Variants in PTPRT observed in about 807,000 individuals in gnomAD.
PTPRT encodes protein tyrosine phosphatase receptor type T, also known as receptor-type tyrosine-protein phosphatase T.
Under a neutral mutation model 176.8 loss-of-function variants are expected in PTPRT, and 56 were observed. The ratio of observed to expected loss-of-function variants is 0.32; its 90% CI spans 0.26 to 0.40. PTPRT has a LOEUF of 0.40. Among genes scored for constraint, PTPRT ranks in the 10% least tolerant of loss-of-function variants. The pLI, the probability that PTPRT is intolerant of heterozygous loss-of-function variation, is 1.00. For synonymous variants in PTPRT, 783 were observed against 739.0 expected (o/e 1.06, Z -0.96); for missense variants, 1,540 against 1,908.2 (o/e 0.81, Z 3.60).
At chr20:43,149,083 T>C (rs1043243664) in intron 1 of PTPRT, among the ~76,000 whole-genome samples, 2 of 152,238 alleles carry the variant, frequency 1.3e-5, no homozygotes, top group African/African-American at 2.4e-5. Flanking sequence ...TAATTACATA[T>C]ATTACCAATA....
chr20:42,354,527 C>A (rs2058331566), intron 9 of PTPRT, among the ~76,000 whole-genome samples: 1 of 152,200 alleles, frequency 6.6e-6, no homozygotes, highest in African/African-American at 2.4e-5. Flanking sequence ...TGAATTCACT[C>A]ATCCACTTAT....
chr20:42,108,748 A>G (rs1313043717), intron 23 of PTPRT, among the ~76,000 whole-genome samples: 1 of 152,176 alleles, frequency 6.6e-6, no homozygotes, highest in Non-Finnish European at 1.5e-5. Flanking sequence ...ATAATGATAT[A>G]TTAGAGTGCT....
In PTPRT at chr20:42,072,900, C is replaced by A. The variant is rs1982429478; in HGVS notation, c.*7979G>T. ...AAAGATTACACTTCACTGTAATGTA[C>A]AGTCAAAAAATATATCTGATATTCA... On this transcript the variant is annotated 3_prime_UTR_variant, in exon 31 of 31. Coordinates refer to ENST00000373187, the MANE Select transcript of PTPRT (RefSeq NM_007050.6). 4.5e-6 allele frequency: 1 copy of A among 223,266 alleles called. No individual in the cohort carries two copies. Among genetic ancestry groups the A allele is most frequent in the African/African-American group, 2.2e-5 (1 of 44,738 alleles). 13.8% of individuals were successfully genotyped at this position (223,266 alleles called of 1,614,324 possible). A position where few individuals can be genotyped will look rare whatever the true frequency, so the allele number is the denominator to read the frequency against.
chr20:42,350,229 T>TTTTGTTTTG (rs2058260421), intron 11 of PTPRT, among the ~76,000 whole-genome samples: 5 of 96,118 alleles, frequency 5.2e-5, no homozygotes, highest in South Asian at 3.9e-4. Flanking sequence ...TTTTTTTTTT[T>TTTTGTTTTG]TTTTTTTTTT....
chr20:42,600,929 C>T lies in PTPRT; in HGVS notation c.1153+76937G>A, dbSNP rs191246613. Among the ~76,000 whole-genome samples, 59 of 152,260 alleles carry T rather than the reference C, an allele frequency of 3.9e-4. 1 individual carries two copies. Among genetic ancestry groups the T allele is most frequent in the Non-Finnish European group, 4.4e-5 (3 of 68,034 alleles). On this transcript the variant is annotated intron_variant, in intron 7 of 30. Coordinates refer to ENST00000373187, the MANE Select transcript of PTPRT (RefSeq NM_007050.6). ...CCACAAGGAATATGTGAGTACACCT[C>T]CTGGCAATCTTCAACCCCTTTCTAA...
intron 1 of PTPRT, among the ~76,000 whole-genome samples, chr20:43,052,121 G>A (rs1987070513): frequency 2.6e-5 from 4 of 152,190 alleles, no homozygotes; most frequent in Non-Finnish European, 5.9e-5. Flanking sequence ...TCTCGTCATG[G>A]GATTCCCAAT....
At chr20:42,085,582 T>G (rs1384868057) in intron 28 of PTPRT, 146 bp downstream of exon 28, 1 of 1,239,562 alleles carries the variant, frequency 8.1e-7, no homozygotes, top group African/African-American at 1.5e-5. Context: ...GGAGCCGGAA[T>G]CAGCACAGGC....
chr20:42,549,227 G>A (rs2072726236), intron 7 of PTPRT, among the ~76,000 whole-genome samples: 1 of 152,020 alleles, frequency 6.6e-6, no homozygotes, highest in Non-Finnish European at 1.5e-5. Context: ...TGTAGACTAT[G>A]ATGCAAAGCT....
intron 6 of PTPRT, among the ~76,000 whole-genome samples, chr20:42,711,885 A>G (rs2146201784): frequency 1.3e-5 from 2 of 152,054 alleles, no homozygotes; most frequent in South Asian, 4.2e-4. Flanking sequence ...TTGGCTCAAA[A>G]GCACATGGCT....
Position 42,208,900 on chromosome 20 carries a change from G to T in PTPRT, c.2343-9512C>A, listed in dbSNP as rs528005226. Among the ~76,000 whole-genome samples, 16 of 152,142 alleles carry T rather than the reference G, an allele frequency of 1.1e-4. No homozygotes were observed. The East Asian group carries it at 1.9e-3, about 18-fold the overall frequency. On this transcript the variant is annotated intron_variant, in intron 15 of 30. Transcript: ENST00000373187. Reference sequence around the variant, plus strand: ...ATTGACCACATACTTGGAAGTAAAGGTCTCCTTAGCAAATGTAAAAGAACA... The same window carrying T: ...ATTGACCACATACTTGGAAGTAAAGTTCTCCTTAGCAAATGTAAAAGAACA...
chr20:42,104,771 G>C, intron 24 of PTPRT, 53 bp from the exon 25 acceptor site: 1 of 1,495,164 alleles, frequency 6.7e-7, no homozygotes, highest in South Asian at 1.2e-5. Context: ...AGTGGCCTGG[G>C]AATTAGCTGT....
chr20:43,120,551 G>T (rs79173318), intron 1 of PTPRT, among the ~76,000 whole-genome samples: 2 of 152,206 alleles, frequency 1.3e-5, no homozygotes, highest in Non-Finnish European at 2.9e-5. Context: ...GATTGCAGGC[G>T]TGAGCCACCA....
intron 6 of PTPRT, among the ~76,000 whole-genome samples, chr20:42,730,730 C>G (rs920632530): frequency 2.6e-5 from 4 of 152,192 alleles, no homozygotes; most frequent in Non-Finnish European, 5.9e-5. Context: ...CAGCCAAGAT[C>G]ATGTTTGCTT....
rs368242226 is a variant in PTPRT at position 42,739,411 on chromosome 20, G to A, written c.859+17051C>T. ...AGGAAGAGGAACTGTTTTTCAGGAG[G>A]GACTATCAGTAGCAGCAGACACTGA... is the stretch of plus-strand genomic sequence containing the variant. On this transcript the variant is annotated intron_variant, in intron 6 of 30. Coordinates refer to ENST00000373187, the MANE Select transcript of PTPRT (RefSeq NM_007050.6). 1.5e-4 allele frequency among the ~76,000 whole-genome samples: 23 copies of A among 152,250 alleles called. 1 individual carries two copies. The East Asian group carries it at 1.5e-3, about 10-fold the overall frequency.
intron 13 of PTPRT, among the ~76,000 whole-genome samples, chr20:42,272,199 T>A (rs2095890561): frequency 2.0e-5 from 3 of 152,156 alleles, no homozygotes; most frequent in Admixed American, 1.3e-4. Context: ...AAAATGCAAA[T>A]TTCAGTGTCC....
At chr20:42,193,428 G>A (rs1991076589) in intron 16 of PTPRT, among the ~76,000 whole-genome samples, 1 of 152,262 alleles carries the variant, frequency 6.6e-6, no homozygotes, top group Admixed American at 6.5e-5. Context: ...CCGGCTGTCA[G>A]TGACCTTCCT....
chr20:42,260,068 G>C (rs369301523), intron 13 of PTPRT, among the ~76,000 whole-genome samples: 3 of 152,216 alleles, frequency 2.0e-5, no homozygotes, highest in African/African-American at 7.2e-5. Context: ...CACTACTTAG[G>C]GGGAGAGGAA....
chr20:42,438,171 T>A (rs188719388), intron 9 of PTPRT, among the ~76,000 whole-genome samples: 21 of 152,296 alleles, frequency 1.4e-4, no homozygotes, highest in African/African-American at 4.6e-4. Flanking sequence ...ATAAGAAACA[T>A]GAAGAAAGCC....
At chr20:43,104,612 TA>T (rs1163508851) in intron 1 of PTPRT, among the ~76,000 whole-genome samples, 1 of 152,206 alleles carries the variant, frequency 6.6e-6, no homozygotes. Flanking sequence ...TGGAGCTAAA[TA>T]GATGGAACTT....
Sources: allele counts gnomAD v4.1 joint callset (sites outside exome capture counted in the v4.1 genomes callset), GRCh38; gene constraint gnomAD v4.1.1; transcripts MANE v1.5; gene names NCBI Gene and HGNC (gene_info 2026-07-23, HGNC 2026-07-21).